The following FAM184A variants were observed in gnomAD, a reference collection of about 807,000 sequenced individuals.
FAM184A encodes protein FAM184A.
FAM184A carries 99 observed loss-of-function variants against 143.8 expected under a neutral mutation model. The observed-to-expected ratio is 0.69, with a 90% confidence interval of 0.58 to 0.81. The LOEUF (loss-of-function observed/expected upper bound fraction) is 0.81. FAM184A is among the 40% of genes least tolerant of loss of function. The probability of loss-of-function intolerance (pLI) is 0.00; values close to 1 mark genes in which losing one functional copy is unlikely to be tolerated. For synonymous variants in FAM184A, 427 were observed against 446.4 expected (o/e 0.96, Z 0.55); for missense variants, 1,217 against 1,310.5 (o/e 0.93, Z 1.10).
intron 9 of FAM184A, among the ~76,000 whole-genome samples, chr6:118,987,492 T>C (rs1304600211): frequency 6.6e-6 from 1 of 152,236 alleles, no homozygotes. Context: ...TTAAATGGAA[T>C]ATTATTTTGA....
intron 1 of FAM184A, among the ~76,000 whole-genome samples, chr6:119,085,564 C>T (rs950865968): frequency 1.3e-5 from 2 of 152,190 alleles, no homozygotes; most frequent in African/African-American, 4.8e-5. Context: ...CTGTCTTCTT[C>T]TGAGCACTTC....
chr6:119,133,338 T>G (rs535226206), intron 1 of FAM184A, among the ~76,000 whole-genome samples: 1 of 152,258 alleles, frequency 6.6e-6, no homozygotes, highest in Non-Finnish European at 1.5e-5. Context: ...AAAGTAATTG[T>G]CACAGCTTAA....
chr6:119,104,376 G>A (rs191488523), intron 1 of FAM184A, among the ~76,000 whole-genome samples: 3 of 152,182 alleles, frequency 2.0e-5, no homozygotes, highest in Non-Finnish European at 4.4e-5. Context: ...GAAAGTATTG[G>A]CTTTTAGAAT....
chr6:119,013,593 G>T (rs779195654), intron 5 of FAM184A, among the ~76,000 whole-genome samples: 1 of 152,220 alleles, frequency 6.6e-6, no homozygotes, highest in Admixed American at 6.5e-5. Flanking sequence ...GTGCAAACTG[G>T]TTCTGGAATA....
At chr6:118,968,180 A>C (rs1265312799) in intron 14 of FAM184A, among the ~76,000 whole-genome samples, 1 of 152,242 alleles carries the variant, frequency 6.6e-6, no homozygotes, top group South Asian at 2.1e-4. Context: ...AGGGGTGTCC[A>C]ATCTTTTGGT....
chr6:119,109,343 T>C (rs59069536), intron 1 of FAM184A, among the ~76,000 whole-genome samples: 6,176 of 152,292 alleles, frequency 0.041, 473 homozygotes, highest in African/African-American at 0.14. Context: ...GATTTAGACC[T>C]GATTTTAGCA....
At position 119,121,029 on chromosome 6, in the gene FAM184A, T is replaced by C. The variant is rs577123237; in HGVS notation, c.-202+28049A>G. On this transcript the variant is annotated intron_variant, in intron 1 of 16. Transcript: ENST00000352896. ...CTTGATATGATGCCCAGACTGCTGT[T>C]GAACTCCTGGCCTCCAGTAATCCTC... 2.0e-5 allele frequency among the ~76,000 whole-genome samples: 3 copies of C among 152,098 alleles called. No individual in the cohort carries two copies. In the South Asian group the frequency reaches 6.2e-4, roughly 32 times the overall value.
chr6:118,994,511 C>A (rs904613804), intron 9 of FAM184A, among the ~76,000 whole-genome samples: 1 of 151,364 alleles, frequency 6.6e-6, no homozygotes, highest in Non-Finnish European at 1.5e-5. Flanking sequence ...ATGGTGAAAC[C>A]CTGTCTCTAC....
chr6:119,080,175 G>T (rs1788021012), upstream of FAM184A, among the ~76,000 whole-genome samples: 1 of 152,156 alleles, frequency 6.6e-6, no homozygotes, highest in South Asian at 2.1e-4. Flanking sequence ...CTAGGACAAA[G>T]ATATTTTTGT....
At chr6:119,063,202 G>C (rs972372512) in intron 1 of FAM184A, among the ~76,000 whole-genome samples, 1 of 151,840 alleles carries the variant, frequency 6.6e-6, no homozygotes, top group Non-Finnish European at 1.5e-5. Context: ...TGAATAATCA[G>C]TTAGAAAAGA....
chr6:119,146,386 C>T (rs892332534), intron 1 of FAM184A, among the ~76,000 whole-genome samples: 4 of 145,312 alleles, frequency 2.8e-5, no homozygotes, highest in African/African-American at 1.0e-4. Flanking sequence ...GTGCCTTTCC[C>T]GATTAACTTA....
intron 1 of FAM184A, among the ~76,000 whole-genome samples, chr6:119,130,574 T>G (rs912300678): frequency 2.0e-5 from 3 of 152,226 alleles, no homozygotes; most frequent in African/African-American, 7.2e-5. Context: ...GGGTGTATGT[T>G]AGATAGCCCA....
intron 9 of FAM184A, among the ~76,000 whole-genome samples, chr6:118,993,530 C>T (rs890303692): frequency 1.3e-5 from 2 of 152,142 alleles, no homozygotes; most frequent in African/African-American, 4.8e-5. Flanking sequence ...AGGACAGAAG[C>T]CTGTCTTATT....
Position 118,979,997 on chromosome 6 carries a change from A to G in FAM184A, c.2301+141T>C, listed in dbSNP as rs1783971844. On this transcript the variant is annotated intron_variant, in intron 10 of 17. Transcript: ENST00000338891. ...TAGGAAGTCGAGACTGCAGTGAGCC[A>G]TGATTGTGCTGCTGCACCTCAGCCT... The G allele has an allele frequency of 1.2e-5, 8 of 648,990 alleles. No homozygotes were observed. The East Asian group carries it at 2.2e-4, about 18-fold the overall frequency. 40.2% of individuals were successfully genotyped at this position (648,990 alleles called of 1,614,324 possible). A position where few individuals can be genotyped will look rare whatever the true frequency, so the allele number is the denominator to read the frequency against.
intron 11 of FAM184A, 118 bp downstream of exon 11, chr6:118,979,247 A>C: frequency 1.1e-6 from 1 of 917,860 alleles, no homozygotes; most frequent in Non-Finnish European, 1.6e-6. Flanking sequence ...CAGTACACTT[A>C]GATATTCATT....
At chr6:119,025,608 A>C (rs1785604366) in intron 1 of FAM184A, 2 of 518,812 alleles carry the variant, frequency 3.9e-6, no homozygotes, top group Admixed American at 1.9e-5. Context: ...AATGACAACA[A>C]ATTCCCTGCA....
At chr6:119,119,499 G>T (rs189570818) in intron 1 of FAM184A, among the ~76,000 whole-genome samples, 117 of 152,250 alleles carry the variant, frequency 7.7e-4, no homozygotes, top group African/African-American at 2.8e-3. Flanking sequence ...AAATAGAAAA[G>T]AACCCATGTG....
At chr6:119,118,898 A>C (rs868743532) in intron 1 of FAM184A, among the ~76,000 whole-genome samples, 1 of 152,222 alleles carries the variant, frequency 6.6e-6, no homozygotes, top group Non-Finnish European at 1.5e-5. Flanking sequence ...GAACAGAGCC[A>C]TATTTCTCTT....
chr6:118,990,924 T>G lies in FAM184A; in HGVS notation c.2089-10574A>C, dbSNP rs73523343. On this transcript the variant is annotated intron_variant, in intron 9 of 17. Coordinates refer to ENST00000338891, the MANE Select transcript of FAM184A (RefSeq NM_024581.6). ...AAACAAATAAAAAATTAGAGTACTA[T>G]TATGTTCCAGAAAACATCCTAAGTG... 6.4e-4 allele frequency among the ~76,000 whole-genome samples: 97 copies of G among 151,980 alleles called. 1 individual carries two copies. The East Asian group carries it at 0.016, about 25-fold the overall frequency.
Sources: gnomAD v4.1 joint callset for allele counts (sites outside exome capture counted in the v4.1 genomes callset) on GRCh38, gnomAD v4.1.1 for gene constraint, MANE v1.5 for transcripts, NCBI Gene and HGNC (gene_info 2026-07-23, HGNC 2026-07-21) for gene names.